ADGRB3: variants seen among roughly 807,000 people sequenced by gnomAD.
The protein encoded by ADGRB3 is adhesion G protein-coupled receptor B3.
In ADGRB3, 37 loss-of-function variants were observed where a neutral mutation model predicts 193.4. That is an observed-to-expected ratio of 0.19 (90% confidence interval 0.15 to 0.25). The LOEUF is 0.25. Among genes scored for constraint, ADGRB3 ranks in the 10% least tolerant of loss-of-function variants. The pLI, the probability that ADGRB3 is intolerant of heterozygous loss-of-function variation, is 1.00. For synonymous variants in ADGRB3, 690 were observed against 644.2 expected, an observed-to-expected ratio of 1.07 and a Z score of -1.08; for missense variants, 1,637 against 1,852.9, an observed-to-expected ratio of 0.88 and a Z score of 2.14.
Position 69,057,109 on chromosome 6 carries a change from CTCTT to C in ADGRB3, c.2334-5822_2334-5819del, listed in dbSNP as rs372390268. On this transcript the variant is annotated intron_variant, in intron 15 of 31. Transcript: ENST00000370598. ...ATGTTTTATAGTTTTCAATGTATAA[CTCTT>C]TCCTCCTTAAGTTTACTCATATTTT... is the stretch of plus-strand genomic sequence containing the variant. Among the ~76,000 whole-genome samples the C allele has an allele frequency of 2.0e-4, 31 of 152,108 alleles. No individual in the cohort carries two copies. In the East Asian group the frequency reaches 5.8e-3, roughly 28 times the overall value.
At chr6:68,796,210 G>T (rs1243430448) in intron 3 of ADGRB3, among the ~76,000 whole-genome samples, 1 of 151,882 alleles carries the variant, frequency 6.6e-6, no homozygotes, top group Non-Finnish European at 1.5e-5. Flanking sequence ...CTGGCATCTA[G>T]ATCGAGCTCT....
chr6:69,125,124 G>A (rs1773819627), intron 17 of ADGRB3, among the ~76,000 whole-genome samples: 1 of 152,124 alleles, frequency 6.6e-6, no homozygotes, highest in African/African-American at 2.4e-5. Flanking sequence ...GGACAGGCAG[G>A]CAGACCAGCC....
At chr6:68,829,158 G>GGC (rs1767907605) in intron 3 of ADGRB3, among the ~76,000 whole-genome samples, 1 of 132,640 alleles carries the variant, frequency 7.5e-6, no homozygotes, top group Non-Finnish European at 1.5e-5. Context: ...GGAGTGTAGT[G>GGC]GCACAATCTC....
At chr6:69,075,928 C>A in intron 16 of ADGRB3, 67 bp from the exon 17 acceptor site, 1 of 1,188,528 alleles carries the variant, frequency 8.4e-7, no homozygotes, top group Non-Finnish European at 1.2e-6. Flanking sequence ...TTCTATTTCA[C>A]ATAATCCCTC....
chr6:68,907,314 T>G (rs952633878), intron 3 of ADGRB3, among the ~76,000 whole-genome samples: 3 of 151,970 alleles, frequency 2.0e-5, no homozygotes, highest in African/African-American at 7.2e-5. Context: ...AAATTGAGCT[T>G]TTATAACTTT....
At chr6:69,130,426 C>G (rs530847276) in intron 17 of ADGRB3, among the ~76,000 whole-genome samples, 1 of 151,364 alleles carries the variant, frequency 6.6e-6, no homozygotes, top group South Asian at 2.1e-4. Context: ...TCACCCAAAT[C>G]ATATTTGTCA....
At chr6:68,768,705 C>T (rs1352317961) in intron 3 of ADGRB3, among the ~76,000 whole-genome samples, 1 of 152,128 alleles carries the variant, frequency 6.6e-6, no homozygotes, top group Non-Finnish European at 1.5e-5. Context: ...TCTAATTAAA[C>T]TAAAGAGCTT....
At chr6:68,961,708 A>G (rs1443932535) in intron 8 of ADGRB3, among the ~76,000 whole-genome samples, 2 of 152,202 alleles carry the variant, frequency 1.3e-5, no homozygotes, top group Non-Finnish European at 2.9e-5. Flanking sequence ...TCTTTTCTAA[A>G]GAGAAAATAC....
chr6:69,031,539 T>TTCTC (rs1201664905), intron 13 of ADGRB3, among the ~76,000 whole-genome samples: 2 of 60,236 alleles, frequency 3.3e-5, no homozygotes, highest in Non-Finnish European at 7.5e-5. Context: ...CTTTCTTTCT[T>TTCTC]TCTTTCTTTC....
At chr6:69,137,373 T>C (rs2150336483) in intron 17 of ADGRB3, among the ~76,000 whole-genome samples, 1 of 152,234 alleles carries the variant, frequency 6.6e-6, no homozygotes, top group Admixed American at 6.5e-5. Flanking sequence ...TTCTGTGTTT[T>C]TTTTTTGGAT....
intron 11 of ADGRB3, among the ~76,000 whole-genome samples, chr6:69,010,895 A>G (rs1769912813): frequency 6.6e-6 from 1 of 152,066 alleles, no homozygotes; most frequent in South Asian, 2.1e-4. Context: ...TAAATCATCA[A>G]AAGAGAACTA....
chr6:69,386,524 G>A (rs956982581), intron 31 of ADGRB3, among the ~76,000 whole-genome samples: 3 of 152,002 alleles, frequency 2.0e-5, no homozygotes, highest in Non-Finnish European at 4.4e-5. Context: ...GCCCCTAAAC[G>A]TTCAACATCT....
intron 17 of ADGRB3, among the ~76,000 whole-genome samples, chr6:69,164,914 C>T (rs558587815): frequency 5.3e-5 from 8 of 152,214 alleles, no homozygotes; most frequent in African/African-American, 1.9e-4. Context: ...AAACATTTCA[C>T]AGATCCTAAT....
chr6:68,703,985 T>G (rs1015357071), intron 3 of ADGRB3, among the ~76,000 whole-genome samples: 5 of 152,176 alleles, frequency 3.3e-5, no homozygotes, highest in African/African-American at 1.2e-4. Context: ...AATGTCATCT[T>G]TGTATTTAAA....
chr6:68,707,989 C>A (rs1398809070), intron 3 of ADGRB3, among the ~76,000 whole-genome samples: 1 of 152,126 alleles, frequency 6.6e-6, no homozygotes, highest in African/African-American at 2.4e-5. Flanking sequence ...CAGAGAGACA[C>A]AGACAAGCAC....
chr6:68,885,349 A>C (rs999464269), intron 3 of ADGRB3, among the ~76,000 whole-genome samples: 3 of 152,170 alleles, frequency 2.0e-5, no homozygotes, highest in African/African-American at 7.2e-5. Context: ...TTAATTAAAA[A>C]TTTTAAATAA....
intron 17 of ADGRB3, chr6:69,232,415 A>G (rs1766163814): frequency 6.8e-7 from 1 of 1,464,740 alleles, no homozygotes; most frequent in Non-Finnish European, 9.0e-7. Context: ...CATATGCTTT[A>G]GCATTTTAAA....
At chr6:69,303,398 C>A (rs1321464574) in intron 20 of ADGRB3, among the ~76,000 whole-genome samples, 2 of 151,874 alleles carry the variant, frequency 1.3e-5, no homozygotes, top group Non-Finnish European at 2.9e-5. Context: ...ATCTTGGCCA[C>A]CCCTTACACA....
chr6:69,312,698 A>G (rs2127300930), intron 20 of ADGRB3, among the ~76,000 whole-genome samples: 1 of 151,874 alleles, frequency 6.6e-6, no homozygotes, highest in South Asian at 2.1e-4. Context: ...GCTTAAAAAA[A>G]TACATTTTAT....
Sources: allele counts gnomAD v4.1 joint callset (sites outside exome capture counted in the v4.1 genomes callset), GRCh38; gene constraint gnomAD v4.1.1; transcripts MANE v1.5; gene names NCBI Gene and HGNC (gene_info 2026-07-23, HGNC 2026-07-21).